Variants in DGKI observed in about 807,000 individuals in gnomAD.
DGKI encodes the protein diacylglycerol kinase iota, also known as DAG kinase iota.
In DGKI, 55 loss-of-function variants were observed where a neutral mutation model predicts 147.5. The observed-to-expected ratio is 0.37, with a 90% confidence interval of 0.30 to 0.47. The LOEUF is 0.47. DGKI is among the 20% of genes least tolerant of loss of function. The probability of loss-of-function intolerance (pLI) is 1.00; values close to 1 mark genes in which losing one functional copy is unlikely to be tolerated. For synonymous variants in DGKI, 469 were observed against 477.1 expected (o/e 0.98, Z 0.22); for missense variants, 1,007 against 1,323.8 (o/e 0.76, Z 3.71).
At chr7:137,416,587 G>C (rs1324665940) in intron 28 of DGKI, among the ~76,000 whole-genome samples, 3 of 152,150 alleles carry the variant, frequency 2.0e-5, no homozygotes, top group Non-Finnish European at 4.4e-5. Context: ...TATTCTCCTG[G>C]TGATGAGAAG....
intron 1 of DGKI, among the ~76,000 whole-genome samples, chr7:137,692,559 T>C (rs2116467218): frequency 6.6e-6 from 1 of 152,260 alleles, no homozygotes; most frequent in Admixed American, 6.5e-5. Context: ...TCATCAGAAC[T>C]TGTAGACTCT....
Position 137,385,987 on chromosome 7 carries a change from T to C in DGKI, c.*5233A>G, listed in dbSNP as rs569106862. On this transcript the variant is annotated 3_prime_UTR_variant, in exon 33 of 33. Coordinates refer to ENST00000614521, the MANE Select transcript of DGKI (RefSeq NM_001321708.2). ...ATGATGCCTGCCTCAGAGTGACAAA[T>C]ATTTTTCAAATAATGATTAAATACA... 3 of 152,250 alleles carry C rather than the reference T, an allele frequency of 2.0e-5. No homozygotes were observed. In the South Asian group the frequency reaches 6.2e-4, roughly 32 times the overall value. The allele number at this position is 152,250 out of a possible 1,614,324, so 9.4% of individuals were successfully genotyped here. A position where few individuals can be genotyped will look rare whatever the true frequency, so the allele number is the denominator to read the frequency against.
At chr7:137,489,542 T>C (rs1043179050) in intron 21 of DGKI, among the ~76,000 whole-genome samples, 2 of 151,940 alleles carry the variant, frequency 1.3e-5, no homozygotes, top group African/African-American at 4.8e-5. Context: ...GTGATTAGAG[T>C]AATCATCTTC....
At chr7:137,669,319 T>C (rs1822759679) in intron 3 of DGKI, among the ~76,000 whole-genome samples, 1 of 152,174 alleles carries the variant, frequency 6.6e-6, no homozygotes, top group African/African-American at 2.4e-5. Flanking sequence ...TGGGGGCCAG[T>C]AGTGGTTTTG....
chr7:137,798,488 C>T (rs1294026017), intron 1 of DGKI, among the ~76,000 whole-genome samples: 1 of 152,218 alleles, frequency 6.6e-6, no homozygotes, highest in Non-Finnish European at 1.5e-5. Flanking sequence ...GTGGCACAAT[C>T]ATGGCTCACT....
At position 137,625,485 on chromosome 7, in the gene DGKI, T is replaced by A. The variant is rs553303558; in HGVS notation, c.805-1931A>T. ...AAAAAAAATAATAAAATAAAAAATTTAAAAAAAAATAAAGAAAGGCTGCTT... is the reference window on the plus strand; with the variant it reads ...AAAAAAAATAATAAAATAAAAAATTAAAAAAAAAATAAAGAAAGGCTGCTT... On this transcript the variant is annotated intron_variant, in intron 6 of 32. Transcript: ENST00000614521. Among the ~76,000 whole-genome samples the A allele has an allele frequency of 4.0e-5, 6 of 150,376 alleles. No homozygotes were observed. The South Asian group carries it at 6.3e-4, about 16-fold the overall frequency.
intron 17 of DGKI, 146 bp downstream of exon 17, chr7:137,577,076 A>G: frequency 1.5e-6 from 1 of 672,310 alleles, no homozygotes; most frequent in Non-Finnish European, 2.6e-6. Flanking sequence ...CTGACACATA[A>G]TAAGTGTAGG....
intron 28 of DGKI, among the ~76,000 whole-genome samples, chr7:137,414,691 C>G (rs754047672): frequency 4.6e-5 from 7 of 152,210 alleles, no homozygotes; most frequent in Non-Finnish European, 8.8e-5. Flanking sequence ...TCCAGTGCCC[C>G]CATTGAGTTC....
chr7:137,397,293 T>A (rs2241443), intron 31 of DGKI, 84 bp downstream of exon 31: 3 of 1,297,352 alleles, frequency 2.3e-6, no homozygotes, highest in Non-Finnish European at 3.2e-6. Context: ...AAATTACCTA[T>A]GATATGCTCT....
Position 137,386,614 on chromosome 7 carries a change from A to G in DGKI, c.*4606T>C, listed in dbSNP as rs1164976609. 6.6e-6 allele frequency: 1 copy of G among 152,124 alleles called. No individual in the cohort carries two copies. Among genetic ancestry groups the G allele is most frequent in the Non-Finnish European group, 1.5e-5 (1 of 68,002 alleles). The allele number at this position is 152,124 out of a possible 1,614,324, so 9.4% of individuals were successfully genotyped here. A position where few individuals can be genotyped will look rare whatever the true frequency, so the allele number is the denominator to read the frequency against. On this transcript the variant is annotated 3_prime_UTR_variant, in exon 33 of 33. Transcript: ENST00000614521. ...ACTGCGTGACAAAATTATTGACAGT[A>G]GTAGGCAGAAAGTTCAGGGACAGGA...
intron 12 of DGKI, among the ~76,000 whole-genome samples, chr7:137,589,070 C>T (rs1213462117): frequency 6.6e-6 from 1 of 152,088 alleles, no homozygotes; most frequent in Non-Finnish European, 1.5e-5. Context: ...ATGGCCAGAC[C>T]CTCCTGGAAG....
At chr7:137,464,730 GA>G (rs1023820975) in intron 26 of DGKI, among the ~76,000 whole-genome samples, 3 of 152,118 alleles carry the variant, frequency 2.0e-5, no homozygotes, top group Non-Finnish European at 4.4e-5. Context: ...CAAAAAAAGT[GA>G]AAAAAAGTAA....
intron 1 of DGKI, among the ~76,000 whole-genome samples, chr7:137,836,670 C>G (rs2117090746): frequency 6.6e-6 from 1 of 152,224 alleles, no homozygotes; most frequent in African/African-American, 2.4e-5. Context: ...CATTTCTTGG[C>G]CCCAGGAAAC....
chr7:137,425,640 A>G (rs1330789678), intron 28 of DGKI, among the ~76,000 whole-genome samples: 1 of 152,174 alleles, frequency 6.6e-6, no homozygotes, highest in Non-Finnish European at 1.5e-5. Flanking sequence ...CAAACAAGTT[A>G]AAAACTTTGA....
intron 28 of DGKI, among the ~76,000 whole-genome samples, chr7:137,429,099 A>G (rs952306760): frequency 6.6e-5 from 10 of 152,144 alleles, no homozygotes; most frequent in Non-Finnish European, 1.2e-4. Context: ...CACCAAGTCA[A>G]TCCTAAGCCA....
intron 21 of DGKI, among the ~76,000 whole-genome samples, chr7:137,515,302 T>C (rs1816712364): frequency 6.6e-6 from 1 of 152,218 alleles, no homozygotes; most frequent in Non-Finnish European, 1.5e-5. Context: ...ATTTATTCAA[T>C]TGTCTGTCTC....
At chr7:137,748,777 C>T (rs1183787513) in intron 1 of DGKI, among the ~76,000 whole-genome samples, 2 of 152,134 alleles carry the variant, frequency 1.3e-5, no homozygotes, top group Non-Finnish European at 2.9e-5. Flanking sequence ...ATGCAGCTCT[C>T]TAAAAACCAT....
intron 8 of DGKI, among the ~76,000 whole-genome samples, chr7:137,617,522 G>T (rs2128996104): frequency 6.6e-6 from 1 of 152,176 alleles, no homozygotes; most frequent in Middle Eastern, 3.4e-3. Context: ...GAAGCATAAT[G>T]AAGTGTTTAC....
At chr7:137,781,961 T>C (rs1796530734) in intron 1 of DGKI, among the ~76,000 whole-genome samples, 1 of 152,174 alleles carries the variant, frequency 6.6e-6, no homozygotes, top group Non-Finnish European at 1.5e-5. Flanking sequence ...TCAATTAAGA[T>C]GGTGGATAGG....
Sources: gnomAD v4.1 joint callset for allele counts (sites outside exome capture counted in the v4.1 genomes callset) on GRCh38, gnomAD v4.1.1 for gene constraint, MANE v1.5 for transcripts, NCBI Gene and HGNC (gene_info 2026-07-23, HGNC 2026-07-21) for gene names.